The following CCNY variants were observed in gnomAD, a reference collection of about 807,000 sequenced individuals.
CCNY encodes cyclin-Y.
Under a neutral mutation model 42.8 loss-of-function variants are expected in CCNY, and 19 were observed. The observed-to-expected ratio is 0.44, with a 90% CI of 0.31 to 0.65. The LOEUF is 0.65. Among genes scored for constraint, CCNY ranks in the 30% least tolerant of loss-of-function variants. CCNY has a pLI of 0.07. For missense variants in CCNY, 370 were observed against 437.3 expected (o/e 0.85, Z 1.37); for synonymous variants, 165 against 162.7 (o/e 1.01, Z -0.11).
chr10:35,534,301 C>A (rs1364020062), intron 7 of CCNY, among the ~76,000 whole-genome samples: 1 of 152,222 alleles, frequency 6.6e-6, no homozygotes, highest in Non-Finnish European at 1.5e-5. Context: ...GGATTACAGG[C>A]GTGCGCCACC....
At chr10:35,513,624 G>A (rs1028809134) in intron 3 of CCNY, among the ~76,000 whole-genome samples, 1 of 152,170 alleles carries the variant, frequency 6.6e-6, no homozygotes, top group Admixed American at 6.5e-5. Flanking sequence ...GGTAGGGTCT[G>A]TCATTTTCAT....
chr10:35,366,561 C>A (rs1007829701), intron 1 of CCNY, among the ~76,000 whole-genome samples: 3 of 152,182 alleles, frequency 2.0e-5, no homozygotes, highest in Admixed American at 2.0e-4. Context: ...ATGGGAGACT[C>A]CAAGGTTTTT....
chr10:35,288,373 T>C (rs552888300), intron 3 of CCNY, among the ~76,000 whole-genome samples: 2 of 152,296 alleles, frequency 1.3e-5, no homozygotes, highest in South Asian at 4.1e-4. Flanking sequence ...ATTTGTCTTA[T>C]TATTGTTATC....
At chr10:35,358,469 A>G (rs952080339) in intron 1 of CCNY, among the ~76,000 whole-genome samples, 3 of 152,236 alleles carry the variant, frequency 2.0e-5, no homozygotes, top group Non-Finnish European at 4.4e-5. Context: ...TGTACTGCAT[A>G]TAGGAACAAA....
intron 3 of CCNY, among the ~76,000 whole-genome samples, chr10:35,283,639 G>A (rs1283739064): frequency 6.6e-6 from 1 of 152,162 alleles, no homozygotes; most frequent in African/African-American, 2.4e-5. Flanking sequence ...TGCTGACCTT[G>A]TGATCCACCA....
At chr10:35,310,132 G>A (rs933668464) in intron 3 of CCNY, among the ~76,000 whole-genome samples, 1 of 152,164 alleles carries the variant, frequency 6.6e-6, no homozygotes, top group Non-Finnish European at 1.5e-5. Flanking sequence ...AACTCCATGA[G>A]ATCAACTGTT....
At chr10:35,422,764 A>C (rs1438910491) in intron 1 of CCNY, among the ~76,000 whole-genome samples, 1 of 152,200 alleles carries the variant, frequency 6.6e-6, no homozygotes, top group African/African-American at 2.4e-5. Flanking sequence ...GTGCCATTTA[A>C]ATGAAATCTT....
chr10:35,519,952 AT>A, intron 4 of CCNY, among the ~76,000 whole-genome samples: 1 of 151,180 alleles, frequency 6.6e-6, no homozygotes, highest in Non-Finnish European at 1.5e-5. Context: ...TAATTTTTGC[AT>A]TTTTTGTAGA....
chr10:35,429,474 G>C (rs1056612624), intron 1 of CCNY, among the ~76,000 whole-genome samples: 1 of 152,138 alleles, frequency 6.6e-6, no homozygotes, highest in East Asian at 1.9e-4. Flanking sequence ...CAATAATTTT[G>C]AGTTATAAAG....
intron 1 of CCNY, among the ~76,000 whole-genome samples, chr10:35,346,792 A>G (rs1297646721): frequency 6.6e-6 from 1 of 152,012 alleles, no homozygotes; most frequent in Non-Finnish European, 1.5e-5. Flanking sequence ...ATGCCCAGCT[A>G]ATTTTTGTAT....
rs900864635 is a variant in CCNY, at chr10:35,570,441, G to A, written c.*1271G>A. ...TGACCATACTTTTTCATTTTCTGAC[G>A]ATCCCTGATTTCCTTATGGACTCAA... is the stretch of plus-strand genomic sequence containing the variant. On this transcript the variant is annotated 3_prime_UTR_variant, in exon 10 of 10. Coordinates refer to ENST00000374704, the MANE Select transcript of CCNY (RefSeq NM_145012.6). The A allele has an allele frequency of 6.6e-6, 1 of 152,168 alleles. No homozygotes were observed. The highest frequency in any genetic ancestry group is 2.4e-5 in the African/African-American group (1 of 41,366). The allele number at this position is 152,168 out of a possible 1,614,324, so 9.4% of individuals were successfully genotyped here.
intron 3 of CCNY, among the ~76,000 whole-genome samples, chr10:35,278,300 G>A (rs1176283710): frequency 2.0e-5 from 3 of 152,090 alleles, no homozygotes; most frequent in Non-Finnish European, 4.4e-5. Context: ...CCTGACAAGG[G>A]AGAGGAGAGA....
chr10:35,524,879 G>A (rs1004022713), intron 4 of CCNY, among the ~76,000 whole-genome samples: 4 of 152,188 alleles, frequency 2.6e-5, no homozygotes, highest in African/African-American at 9.7e-5. Flanking sequence ...AGATGCTGGT[G>A]GGAAGTCCAC....
chr10:35,561,569 A>G (rs756784898), intron 8 of CCNY, among the ~76,000 whole-genome samples: 2 of 152,232 alleles, frequency 1.3e-5, no homozygotes, highest in Non-Finnish European at 2.9e-5. Flanking sequence ...GAGAGGGCTC[A>G]CAGGTTTCAG....
rs1358945222 is a variant in CCNY at position 35,523,144 on chromosome 10, A to G, written c.366-2820A>G. On this transcript the variant is annotated intron_variant, in intron 4 of 9. Coordinates refer to ENST00000374704, the MANE Select transcript of CCNY (RefSeq NM_145012.6). ...AAGTCCAGGAACCAGGGGACACCAT[A>G]AAAGTCCTGAACATGGTCTAGTCGG... Among the ~76,000 whole-genome samples, 8 of 152,358 alleles carry G rather than the reference A, an allele frequency of 5.3e-5. No homozygotes were observed. In the East Asian group the frequency reaches 1.5e-3, roughly 29 times the overall value.
chr10:35,501,427 C>T, intron 2 of CCNY, 74 bp from the exon 3 acceptor site: 1 of 1,270,354 alleles, frequency 7.9e-7, no homozygotes, highest in Non-Finnish European at 1.2e-6. Flanking sequence ...GACACAGAGG[C>T]CCAGTCCTCA....
chr10:35,466,305 CT>C (rs1215016364), intron 1 of CCNY, among the ~76,000 whole-genome samples: 1 of 152,072 alleles, frequency 6.6e-6, no homozygotes, highest in East Asian at 1.9e-4. Flanking sequence ...GTGGCTTCCC[CT>C]AGAGAGGATA....
chr10:35,465,566 A>G (rs571502653), intron 1 of CCNY, among the ~76,000 whole-genome samples: 147 of 152,274 alleles, frequency 9.7e-4, no homozygotes, highest in African/African-American at 2.7e-3. Context: ...TCTGGCACCC[A>G]GGGCTTTCCA....
intron 1 of CCNY, among the ~76,000 whole-genome samples, chr10:35,418,082 G>A (rs1469804594): frequency 1.3e-5 from 2 of 152,206 alleles, no homozygotes; most frequent in Non-Finnish European, 2.9e-5. Context: ...GGTTTATGCT[G>A]CAAAGTAGAA....
Sources: allele counts gnomAD v4.1 joint callset (sites outside exome capture counted in the v4.1 genomes callset), GRCh38; gene constraint gnomAD v4.1.1; transcripts MANE v1.5; gene names NCBI Gene and HGNC (gene_info 2026-07-23, HGNC 2026-07-21).